The following LCN6 variants were observed in gnomAD, a reference collection of about 807,000 sequenced individuals.
LCN6 encodes the protein lipocalin 6.
In LCN6, 20 loss-of-function variants were observed where a neutral mutation model predicts 21.4. That is an observed-to-expected ratio of 0.93 (90% CI 0.66 to 1.36). The LOEUF (loss-of-function observed/expected upper bound fraction) is 1.36. Among genes scored for constraint, LCN6 ranks in the 40% most tolerant of loss-of-function variants. The pLI is 0.00. For missense variants in LCN6, 217 were observed against 206.6 expected (o/e 1.05, Z -0.31); for synonymous variants, 96 against 89.0 (o/e 1.08, Z -0.44).
chr9:136,744,626 C>T lies in LCN6; in HGVS notation c.*22+14G>A, dbSNP rs541626095. The T allele has an allele frequency of 5.1e-5, 79 of 1,546,682 alleles. No homozygotes were observed. In the South Asian group the frequency reaches 5.2e-4, roughly 10 times the overall value. On this transcript the variant is annotated intron_variant, in intron 5 of 6. Coordinates refer to ENST00000341206, the MANE Select transcript of LCN6 (RefSeq NM_198946.3). This position sits in a 1 kb window ranked among gnomAD's most constrained non-coding sequence, Gnocchi z 4.2. ...CCCCAAGCCTCCCCCGAGGCTGCTCCGGTGGACACTCACGGTCCTTCTGCA... is the reference window on the plus strand; with the variant it reads ...CCCCAAGCCTCCCCCGAGGCTGCTCTGGTGGACACTCACGGTCCTTCTGCA...
At chr9:136,746,563 G>A (rs895875355) in intron 2 of LCN6, among the ~76,000 whole-genome samples, 2 of 152,172 alleles carry the variant, frequency 1.3e-5, no homozygotes, top group African/African-American at 2.4e-5. Flanking sequence ...CCACGTGGGA[G>A]CTGCCACCTC....
intron 3 of LCN6, 88 bp from the exon 4 acceptor site, chr9:136,745,368 G>A: frequency 1.1e-6 from 1 of 907,522 alleles, no homozygotes. Flanking sequence ...CAGGGACAGA[G>A]GGGCCAATTC....
At position 136,744,801 on chromosome 9, in the gene LCN6, GA is replaced by G. The variant is rs1847012534; in HGVS notation, c.413-61del. The G allele has an allele frequency of 8.7e-7, 1 of 1,148,016 alleles. No individual in the cohort carries two copies. Among genetic ancestry groups the G allele is most frequent in the South Asian group, 1.3e-5 (1 of 77,682 alleles). 71.1% of individuals were successfully genotyped at this position (1,148,016 alleles called of 1,614,324 possible). ...CTCTGAGAGCTGGGGAGGGGCCGGG[GA>G]GGGGCTGGGAAGGGTCAGGAAGGAG... On this transcript the variant is annotated intron_variant, in intron 4 of 6. Transcript: ENST00000341206. The surrounding 1 kb of genome is among the most constrained non-coding windows in gnomAD (Gnocchi z 4.2).
chr9:136,745,441 C>T (rs1847024535), intron 3 of LCN6, 161 bp from the exon 4 acceptor site: 2 of 549,516 alleles, frequency 3.6e-6, no homozygotes, highest in African/African-American at 4.0e-5. Context: ...AAGCTTTGTC[C>T]CCCACCCCCG....
intron 1 of LCN6, 40 bp from the exon 2 acceptor site, chr9:136,747,603 A>G: frequency 1.3e-6 from 2 of 1,586,918 alleles, no homozygotes; most frequent in South Asian, 1.1e-5. Flanking sequence ...CCAGCCCTCC[A>G]GCCTCCAGCC....
rs112531276 is a variant in LCN6 at position 136,747,416 on chromosome 9, C to G, written c.230+8G>C. On this transcript the variant is annotated splice_region_variant and intron_variant, in intron 2 of 6. Coordinates refer to ENST00000341206, the MANE Select transcript of LCN6 (RefSeq NM_198946.3). ...TGCGGGAAGGCCTGGCAGGACCCGC[C>G]CACTCACCCGTGCTGAGAGGACAGC... 2.2e-3 allele frequency: 3,562 copies of G among 1,612,160 alleles called. 63 individuals carry two copies. The African/African-American group carries it at 0.042, about 19-fold the overall frequency.
chr9:136,747,393 C>A (rs765190703), intron 2 of LCN6, 31 bp downstream of exon 2: 3 of 1,607,516 alleles, frequency 1.9e-6, no homozygotes, highest in Non-Finnish European at 2.5e-6. Context: ...GTCCTGCCTG[C>A]GGGAAGGCCT....
chr9:136,744,408 C>T lies in LCN6; in HGVS notation c.*23-44G>A, dbSNP rs771349940. 3.6e-5 allele frequency: 17 copies of T among 470,062 alleles called. No individual in the cohort carries two copies. Among genetic ancestry groups the T allele is most frequent in the Middle Eastern group, 5.5e-4 (1 of 1,804 alleles). The allele number at this position is 470,062 out of a possible 1,614,324, so 29.1% of individuals were successfully genotyped here. A position where few individuals can be genotyped will look rare whatever the true frequency, so the allele number is the denominator to read the frequency against. On this transcript the variant is annotated intron_variant, in intron 5 of 6. Transcript: ENST00000341206. The surrounding 1 kb of genome is among the most constrained non-coding windows in gnomAD (Gnocchi z 4.2). The stretch of plus-strand genomic sequence containing the variant: ...CTGGCTGTGAAAAAGGACTGAGCCC[C>T]CCAGCACCCCAGGGCCCCACCCACA...
rs1588302338 is a variant in LCN6, at chr9:136,747,410, A to C, written c.230+14T>G. On this transcript the variant is annotated intron_variant, in intron 2 of 6. Transcript: ENST00000341206. ...CCTGCCTGCGGGAAGGCCTGGCAGG[A>C]CCCGCCCACTCACCCGTGCTGAGAG... The C allele has an allele frequency of 6.2e-7, 1 of 1,611,170 alleles. No homozygotes were observed. Among genetic ancestry groups the C allele is most frequent in the Non-Finnish European group, 8.5e-7 (1 of 1,179,286 alleles).
rs374278018 is a variant in LCN6 at position 136,744,393 on chromosome 9, A to G, written c.*23-29T>C. 9.2e-6 allele frequency: 4 copies of G among 437,090 alleles called. No homozygotes were observed. The South Asian group carries it at 2.0e-4, about 22-fold the overall frequency. The allele number at this position is 437,090 out of a possible 1,614,324, so 27.1% of individuals were successfully genotyped here. The stretch of plus-strand genomic sequence containing the variant: ...GAAGGGGAGGCAAGACTGGCTGTGA[A>G]AAAGGACTGAGCCCCCCAGCACCCC... On this transcript the variant is annotated intron_variant, in intron 5 of 6. Transcript: ENST00000341206. This position sits in a 1 kb window ranked among gnomAD's most constrained non-coding sequence, Gnocchi z 4.2.
At chr9:136,745,447 C>T in intron 3 of LCN6, 167 bp from the exon 4 acceptor site, 1 of 582,674 alleles carries the variant, frequency 1.7e-6, no homozygotes, top group Non-Finnish European at 3.1e-6. Context: ...TGTCCCCCAC[C>T]CCCGACCCCA....
chr9:136,746,156 C>T (rs1014242716), intron 2 of LCN6: 2 of 506,916 alleles, frequency 3.9e-6, no homozygotes, highest in South Asian at 2.3e-5. Context: ...CCACCAGGAA[C>T]GCTGAATGCT....
At chr9:136,745,742 T>G in intron 3 of LCN6, 102 bp downstream of exon 3, 1 of 1,006,818 alleles carries the variant, frequency 9.9e-7, no homozygotes, top group Non-Finnish European at 1.6e-6. Context: ...TGTAGCCTCC[T>G]GGCTCTCGGG....
In LCN6 at chr9:136,747,519, CT is replaced by C; in HGVS notation, c.134del (p.Lys45ArgfsTer9). On this transcript the variant is annotated frameshift_variant, in exon 2 of 7. Transcript: ENST00000341206. LOFTEE classifies it high-confidence loss of function. ...WYVLAVASRE[K>X]GFAMEKDMKN... is the part of the protein sequence containing the mutation. The stretch of plus-strand genomic sequence containing the variant: ...TCATGTCCTTCTCCATGGCAAAGCC[CT>C]TTTCCCGGGAGGCCACCGCAAGCAC... 1.2e-6 allele frequency: 2 copies of C among 1,613,328 alleles called. No homozygotes were observed. Among genetic ancestry groups the C allele is most frequent in the Admixed American group, 3.3e-5 (2 of 59,996 alleles).
chr9:136,747,606 C>T (rs1172253170), intron 1 of LCN6, 43 bp from the exon 2 acceptor site: 2 of 1,588,816 alleles, frequency 1.3e-6, no homozygotes, highest in Admixed American at 1.7e-5. Flanking sequence ...GCCCTCCAGC[C>T]TCCAGCCTCC....
intron 1 of LCN6, among the ~76,000 whole-genome samples, chr9:136,747,832 G>GC (rs2131079513): frequency 1.6e-5 from 2 of 125,186 alleles, no homozygotes; most frequent in African/African-American, 3.0e-5. Context: ...CAGCCTTGCA[G>GC]CCTCTAGCCT....
rs1220991668 is a variant in LCN6 at position 136,744,797 on chromosome 9, C to T, written c.413-56G>A. Reference sequence around the variant, plus strand: ...CAACCTCTGAGAGCTGGGGAGGGGCCGGGGAGGGGCTGGGAAGGGTCAGGA... The same window carrying T: ...CAACCTCTGAGAGCTGGGGAGGGGCTGGGGAGGGGCTGGGAAGGGTCAGGA... On this transcript the variant is annotated intron_variant, in intron 4 of 6. Coordinates refer to ENST00000341206, the MANE Select transcript of LCN6 (RefSeq NM_198946.3). This position sits in a 1 kb window ranked among gnomAD's most constrained non-coding sequence, Gnocchi z 4.2. The T allele has an allele frequency of 5.4e-5, 27 of 503,646 alleles. No individual in the cohort carries two copies. The highest frequency in any genetic ancestry group is 6.0e-4 in the Middle Eastern group (1 of 1,676). The allele number at this position is 503,646 out of a possible 1,614,324, so 31.2% of individuals were successfully genotyped here. A position where few individuals can be genotyped will look rare whatever the true frequency, so the allele number is the denominator to read the frequency against.
At chr9:136,747,592 G>GCCAGCCCTCCAGCCT (rs1564327465) in intron 1 of LCN6, 29 bp from the exon 2 acceptor site, 2 of 1,597,102 alleles carry the variant, frequency 1.3e-6, no homozygotes, top group South Asian at 2.2e-5. Context: ...CGTTAGGGCC[G>GCCAGCCCTCCAGCCT]CCAGCCCTCC....
Position 136,744,515 on chromosome 9 carries a change from C to G in LCN6, c.*22+125G>C. 1 of 625,696 alleles carries G rather than the reference C, an allele frequency of 1.6e-6. No homozygotes were observed. Among genetic ancestry groups the G allele is most frequent in the Non-Finnish European group, 2.8e-6 (1 of 351,392 alleles). The allele number at this position is 625,696 out of a possible 1,614,324, so 38.8% of individuals were successfully genotyped here. ...GAAGACCCCCTCAGCCTGCCTGACTCCTTCAGGGCGACTGAGTCAGGCAGA... is the reference window on the plus strand; with the variant it reads ...GAAGACCCCCTCAGCCTGCCTGACTGCTTCAGGGCGACTGAGTCAGGCAGA... On this transcript the variant is annotated intron_variant, in intron 5 of 6. Transcript: ENST00000341206. This position sits in a 1 kb window ranked among gnomAD's most constrained non-coding sequence, Gnocchi z 4.2.
Sources: gnomAD v4.1 joint callset for allele counts (sites outside exome capture counted in the v4.1 genomes callset) on GRCh38, gnomAD v4.1.1 for gene constraint, Gnocchi (gnomAD v3.1) non-coding constraint, MANE v1.5 for transcripts, NCBI Gene and HGNC (gene_info 2026-07-23, HGNC 2026-07-21) for gene names.